The following TCF7 variants were observed in gnomAD, a reference collection of about 807,000 sequenced individuals.
The protein encoded by TCF7 is T-cell-factor-7.
In TCF7, 19 loss-of-function variants were observed where a neutral mutation model predicts 46.8. The ratio of observed to expected loss-of-function variants is 0.41; its 90% confidence interval spans 0.28 to 0.60. TCF7 has a LOEUF of 0.60. Ranked by LOEUF, TCF7 falls within the 20% of genes least tolerant of loss-of-function variation. TCF7 has a pLI of 0.35. For synonymous variants in TCF7, 245 were observed against 213.4 expected, an observed-to-expected ratio of 1.15 and a Z score of -1.29; for missense variants, 547 against 504.6, an observed-to-expected ratio of 1.08 and a Z score of -0.81.
rs1053530133 is a variant in TCF7, at chr5:134,146,687, C to T, written c.*384C>T. The T allele has an allele frequency of 6.4e-6, 4 of 622,752 alleles. No homozygotes were observed. Among genetic ancestry groups the T allele is most frequent in the Admixed American group, 2.9e-5 (1 of 34,360 alleles). The allele number at this position is 622,752 out of a possible 1,614,324, so 38.6% of individuals were successfully genotyped here. ...CTGCCTGAACCTGGGGTCATCGATT[C>T]AAACTGCTCCAAGTGGTGGGAATCA... On this transcript the variant is annotated 3_prime_UTR_variant, in exon 10 of 10. Transcript: ENST00000342854.
At chr5:134,143,763 A>G (rs1760254974) in intron 9 of TCF7, 123 bp downstream of exon 9, 2 of 1,118,720 alleles carry the variant, frequency 1.8e-6, no homozygotes, top group African/African-American at 1.6e-5. Context: ...CCTGGGGCCT[A>G]TGAAAACAAG....
chr5:134,133,936 G>T (rs1453696038), intron 3 of TCF7, among the ~76,000 whole-genome samples: 1 of 152,192 alleles, frequency 6.6e-6, no homozygotes, highest in African/African-American at 2.4e-5. Flanking sequence ...TTCTTTTGGA[G>T]GTTTCCTAGG....
rs1489377364 is a variant in TCF7, at chr5:134,115,276, C to T, written c.250-45C>T. 2.7e-6 allele frequency: 4 copies of T among 1,506,236 alleles called. No homozygotes were observed. In the Admixed American group the frequency reaches 6.1e-5, roughly 23 times the overall value. 93.3% of individuals were successfully genotyped at this position (1,506,236 alleles called of 1,614,324 possible). Reference sequence around the variant, plus strand: ...CCCTGCCCCGGCGTCGGCCCCGACCCCCGCGGTCCCACCGCCCCTCACTCC... The same window carrying T: ...CCCTGCCCCGGCGTCGGCCCCGACCTCCGCGGTCCCACCGCCCCTCACTCC... On this transcript the variant is annotated intron_variant, in intron 1 of 9. Coordinates refer to ENST00000342854, the MANE Select transcript of TCF7 (RefSeq NM_003202.5).
At chr5:134,129,121 C>A (rs775106627) in intron 3 of TCF7, among the ~76,000 whole-genome samples, 2 of 152,224 alleles carry the variant, frequency 1.3e-5, no homozygotes, top group Non-Finnish European at 2.9e-5. Context: ...GGGCAAGATT[C>A]TTAGCTTCTC....
At chr5:134,142,333 G>A (rs916958627) in intron 6 of TCF7, 29 bp downstream of exon 6, 16 of 1,556,060 alleles carry the variant, frequency 1.0e-5, no homozygotes, top group Non-Finnish European at 9.6e-6. Flanking sequence ...ATGGCAGGGG[G>A]TGTGTCAGTC....
At position 134,147,068 on chromosome 5, in the gene TCF7, C is replaced by T. The variant is rs867006615; in HGVS notation, c.*765C>T. The T allele has an allele frequency of 6.3e-6, 1 of 157,900 alleles. No individual in the cohort carries two copies. The highest frequency in any genetic ancestry group is 1.4e-5 in the Non-Finnish European group (1 of 72,396). The allele number at this position is 157,900 out of a possible 1,614,324, so 9.8% of individuals were successfully genotyped here. On this transcript the variant is annotated 3_prime_UTR_variant, in exon 10 of 10. Transcript: ENST00000342854. ...ACCAGCTGCTACTCATAAGTTGGAC[C>T]AGAGGAAGCCCCTTACTATGATCTC...
In TCF7 at chr5:134,139,018, G is replaced by A. The variant is rs1454693055; in HGVS notation, c.615G>A (p.Gln205=). The change falls in exon 5 of 10, where the codon CAG becomes CAA. Residue 205 remains glutamine (Q), a synonymous_variant. Transcript: ENST00000342854. ...FYSLTSGSMG[Q]LPHTVSWFTH... is the part of the protein sequence containing the mutation. Reference sequence around the variant, plus strand: ...CCCTGACCTCAGGCAGCATGGGGCAGCTCCCCCACACTGTGAGCTGGTGAG... The same window carrying A: ...CCCTGACCTCAGGCAGCATGGGGCAACTCCCCCACACTGTGAGCTGGTGAG... 2 of 1,613,868 alleles carry A rather than the reference G, an allele frequency of 1.2e-6. No individual in the cohort carries two copies. Among genetic ancestry groups the A allele is most frequent in the Non-Finnish European group, 1.7e-6 (2 of 1,180,010 alleles).
At chr5:134,116,178 C>G in intron 3 of TCF7, 145 bp downstream of exon 3, 1 of 1,416,650 alleles carries the variant, frequency 7.1e-7, no homozygotes, top group South Asian at 1.5e-5. Context: ...CCGGTGGGAT[C>G]TGAACCAAAA....
At chr5:134,132,423 C>A (rs986672516) in intron 3 of TCF7, among the ~76,000 whole-genome samples, 1 of 152,254 alleles carries the variant, frequency 6.6e-6, no homozygotes, top group Non-Finnish European at 1.5e-5. Flanking sequence ...GCATCCTGAT[C>A]TCTTGGGGGG....
chr5:134,142,065 A>G (rs757198895), intron 5 of TCF7, 120 bp from the exon 6 acceptor site: 18 of 1,404,914 alleles, frequency 1.3e-5, no homozygotes, highest in African/African-American at 5.7e-5. Flanking sequence ...GGCCAGTAGG[A>G]TAGAGTATCT....
At chr5:134,146,170 G>A (rs1489622958) in intron 9 of TCF7, 54 bp from the exon 10 acceptor site, 3 of 1,613,776 alleles carry the variant, frequency 1.9e-6, no homozygotes, top group Middle Eastern at 1.6e-4. Flanking sequence ...TGGTTGTGGT[G>A]TATGACTATG....
At position 134,145,775 on chromosome 5, in the gene TCF7, T is replaced by C. The variant is rs182000264; in HGVS notation, c.1076-449T>C. 5.8e-3 allele frequency: 9,283 copies of C among 1,613,900 alleles called. 33 individuals are homozygous for C. Among genetic ancestry groups the C allele is most frequent in the Non-Finnish European group, 5.9e-3 (6,931 of 1,179,846 alleles). On this transcript the variant is annotated intron_variant, in intron 9 of 9. Transcript: ENST00000342854. ...GGCCCAGAGAACTCAAGGATGGTAATGGACAAGAGTCACTGTCCATGTCTT... is the reference window on the plus strand; with the variant it reads ...GGCCCAGAGAACTCAAGGATGGTAACGGACAAGAGTCACTGTCCATGTCTT...
At chr5:134,135,689 T>C (rs557194535) in intron 3 of TCF7, among the ~76,000 whole-genome samples, 1 of 152,070 alleles carries the variant, frequency 6.6e-6, no homozygotes, top group Non-Finnish European at 1.5e-5. Flanking sequence ...TAGGGGGCAT[T>C]TCAGACCACC....
In TCF7 at chr5:134,143,657, G is replaced by A. The variant is rs1353155883; in HGVS notation, c.1075+17G>A. 6 of 1,613,588 alleles carry A rather than the reference G, an allele frequency of 3.7e-6. No individual in the cohort carries two copies. The highest frequency in any genetic ancestry group is 1.7e-5 in the Admixed American group (1 of 59,992). The stretch of plus-strand genomic sequence containing the variant: ...CCACCACAGGTGAGACCTTCTCTCA[G>A]CAGCAGTGGAGGCTCCTCTCCATGT... On this transcript the variant is annotated intron_variant, in intron 9 of 9. Coordinates refer to ENST00000342854, the MANE Select transcript of TCF7 (RefSeq NM_003202.5).
intron 8 of TCF7, 88 bp from the exon 9 acceptor site, chr5:134,143,504 C>T: frequency 6.4e-7 from 1 of 1,551,726 alleles, no homozygotes; most frequent in East Asian, 2.2e-5. Context: ...CGCCCAGAAT[C>T]CCAGGGTTAC....
At chr5:134,127,807 G>A (rs1474814803) in intron 3 of TCF7, among the ~76,000 whole-genome samples, 1 of 152,238 alleles carries the variant, frequency 6.6e-6, no homozygotes, top group Non-Finnish European at 1.5e-5. Flanking sequence ...GTGGTCCAGA[G>A]GAAATCAAGG....
rs574311724 is a variant in TCF7, at chr5:134,115,798, C to G, written c.317-111C>G. On this transcript the variant is annotated intron_variant, in intron 2 of 9. Transcript: ENST00000342854. ...ACTCCCAGCCCGTTCCTTCCCAAGT[C>G]AGGAACTTGCAGGGGACCCCTTGGC... 2.6e-6 allele frequency: 4 copies of G among 1,553,384 alleles called. No individual in the cohort carries two copies. In the African/African-American group the frequency reaches 4.1e-5, roughly 16 times the overall value.
At chr5:134,115,190 G>C in intron 1 of TCF7, 35 bp downstream of exon 1, 1 of 1,086,914 alleles carries the variant, frequency 9.2e-7, no homozygotes, top group Non-Finnish European at 1.1e-6. Context: ...CTCCCCCGCG[G>C]TCGCCGCGCC....
At chr5:134,119,409 G>A (rs1169683774) in intron 3 of TCF7, among the ~76,000 whole-genome samples, 10 of 152,230 alleles carry the variant, frequency 6.6e-5, no homozygotes, top group South Asian at 2.1e-4. Context: ...GAATTAGATC[G>A]TGGTGGCAGC....
Sources: allele counts gnomAD v4.1 joint callset (sites outside exome capture counted in the v4.1 genomes callset), GRCh38; gene constraint gnomAD v4.1.1; transcripts MANE v1.5; gene names NCBI Gene and HGNC (gene_info 2026-07-23, HGNC 2026-07-21).